Variants in IL1RL1 observed in about 807,000 individuals in gnomAD.
The protein encoded by IL1RL1 is interleukin 1 receptor like 1, also known as interleukin-1 receptor-like 1.
A neutral mutation model predicts 50.9 loss-of-function variants in IL1RL1; 32 were observed. The ratio of observed to expected loss-of-function variants is 0.63; its 90% CI spans 0.47 to 0.84. The LOEUF (loss-of-function observed/expected upper bound fraction) is 0.84. IL1RL1 is among the 40% of genes least tolerant of loss of function. The probability of loss-of-function intolerance (pLI) is 0.00; values close to 1 mark genes in which losing one functional copy is unlikely to be tolerated. For missense variants in IL1RL1, 773 were observed against 662.9 expected (o/e 1.17, Z -1.82); for synonymous variants, 275 against 236.0 (o/e 1.17, Z -1.51).
chr2:102,351,882 G>A lies in IL1RL1; in HGVS notation c.1632G>A (p.Lys544=), dbSNP rs746381078. The A allele has an allele frequency of 9.3e-6, 15 of 1,613,700 alleles. No individual in the cohort carries two copies. The highest frequency in any genetic ancestry group is 1.3e-5 in the Non-Finnish European group (15 of 1,179,810). Residue 544 remains lysine, a synonymous_variant, in exon 11 of 11, where the codon AAG becomes AAA. Transcript: ENST00000233954. ...QMPVPSKIPR[K]ASSLTPLAAQ... ...CTGTGCCAAGCAAAATTCCCAGAAA[G>A]GCCTCTAGTTTGACTCCCTTGGCTG... is the stretch of plus-strand genomic sequence containing the variant.
At chr2:102,343,218 C>T in intron 7 of IL1RL1, 41 bp downstream of exon 7, 1 of 1,613,956 alleles carries the variant, frequency 6.2e-7, no homozygotes, top group Non-Finnish European at 8.5e-7. Context: ...TCCCCTTGCA[C>T]ATGGTTTGCA....
At chr2:102,341,408 T>C in intron 5 of IL1RL1, 1 of 959,438 alleles carries the variant, frequency 1.0e-6, no homozygotes, top group Non-Finnish European at 1.3e-6. Flanking sequence ...TTAAATTTTA[T>C]AAAAGCTTAT....
At chr2:102,346,355 C>A (rs182823905) in intron 8 of IL1RL1, among the ~76,000 whole-genome samples, 2 of 152,160 alleles carry the variant, frequency 1.3e-5, no homozygotes, top group Non-Finnish European at 2.9e-5. Flanking sequence ...GAATAACTTG[C>A]GAAATACTAC....
chr2:102,335,699 G>A (rs1256012417), intron 1 of IL1RL1, among the ~76,000 whole-genome samples: 1 of 152,080 alleles, frequency 6.6e-6, no homozygotes, highest in Admixed American at 6.5e-5. Context: ...TGCTTACGTG[G>A]CCTAGTTTAA....
At chr2:102,334,825 C>G (rs191941514) in intron 1 of IL1RL1, among the ~76,000 whole-genome samples, 9 of 152,236 alleles carry the variant, frequency 5.9e-5, no homozygotes, top group African/African-American at 2.2e-4. Context: ...CTTCTAAGTT[C>G]GGAAGTATTT....
At chr2:102,320,212 C>T (rs1013696856) in intron 1 of IL1RL1, among the ~76,000 whole-genome samples, 1 of 152,122 alleles carries the variant, frequency 6.6e-6, no homozygotes, top group Non-Finnish European at 1.5e-5. Flanking sequence ...ACTCCAGTGT[C>T]GTCTTTAAGG....
chr2:102,322,745 A>G (rs969719397), intron 1 of IL1RL1, among the ~76,000 whole-genome samples: 11 of 152,226 alleles, frequency 7.2e-5, no homozygotes, highest in Non-Finnish European at 1.5e-4. Context: ...CATCATCCAT[A>G]TCACCATCCC....
At position 102,338,825 on chromosome 2, in the gene IL1RL1, T is replaced by G. The variant is rs763925575; in HGVS notation, c.62-12T>G. ...ATCATTTCAGGATTGTCTTTATATC[T>G]TTTATTTGCAGGTAAACAATCATGG... On this transcript the variant is annotated splice_polypyrimidine_tract_variant and intron_variant, in intron 2 of 10. Transcript: ENST00000233954. 1 of 1,584,340 alleles carries G rather than the reference T, an allele frequency of 6.3e-7. No homozygotes were observed. Among genetic ancestry groups the G allele is most frequent in the South Asian group, 1.1e-5 (1 of 90,450 alleles).
rs1248294704 is a variant in IL1RL1, at chr2:102,311,931, A to G, written c.-150+308A>G. Among the ~76,000 whole-genome samples the G allele has an allele frequency of 1.0e-4, 4 of 39,096 alleles. No homozygotes were observed. In the East Asian group the frequency reaches 2.6e-3, roughly 26 times the overall value. 25.6% of individuals were successfully genotyped at this position (39,096 alleles called of 152,430 possible). A position where few individuals can be genotyped will look rare whatever the true frequency, so the allele number is the denominator to read the frequency against. ...TTATATATTTTATTATATAATATAT[A>G]TTATATATAATATTATATATAATAT... is the stretch of plus-strand genomic sequence containing the variant. On this transcript the variant is annotated intron_variant, in intron 1 of 10. Transcript: ENST00000233954.
intron 8 of IL1RL1, chr2:102,344,308 A>T (rs549338354): frequency 1.9e-6 from 1 of 526,726 alleles, no homozygotes; most frequent in East Asian, 1.4e-4. Context: ...ACCATTCAGC[A>T]TGAGATTTGG....
chr2:102,336,444 T>C (rs576286023), intron 1 of IL1RL1, among the ~76,000 whole-genome samples: 1 of 152,278 alleles, frequency 6.6e-6, no homozygotes, highest in Non-Finnish European at 1.5e-5. Context: ...TATATTATTA[T>C]ATGGGTCTGG....
At chr2:102,331,711 T>A (rs1242760553) in intron 1 of IL1RL1, among the ~76,000 whole-genome samples, 1 of 152,210 alleles carries the variant, frequency 6.6e-6, no homozygotes, top group Non-Finnish European at 1.5e-5. Flanking sequence ...GATCCATATA[T>A]AAAAGCTTTA....
rs1296900421 is a variant in IL1RL1 at position 102,340,633 on chromosome 2, T to C, written c.448-33T>C. ...CAGATAAATAAATAAAAGTGAAGAA[T>C]TACTGAGAAGGAAATGGAATTTCTT... is the stretch of plus-strand genomic sequence containing the variant. On this transcript the variant is annotated intron_variant, in intron 4 of 10. Transcript: ENST00000233954. The C allele has an allele frequency of 3.2e-6, 5 of 1,574,616 alleles. No homozygotes were observed. The Middle Eastern group carries it at 5.0e-4, about 159-fold the overall frequency.
chr2:102,337,683 T>C (rs1356027475), intron 1 of IL1RL1, among the ~76,000 whole-genome samples: 1 of 152,206 alleles, frequency 6.6e-6, no homozygotes, highest in Non-Finnish European at 1.5e-5. Flanking sequence ...TTGTGATGAC[T>C]ACTTGCACAT....
chr2:102,340,416 C>T (rs567544781), intron 4 of IL1RL1, 144 bp downstream of exon 4: 3 of 722,740 alleles, frequency 4.2e-6, no homozygotes, highest in East Asian at 5.9e-5. Flanking sequence ...AGTTTGAGAC[C>T]AGCCTGGCCA....
In IL1RL1 at chr2:102,338,864, A is replaced by C. The variant is rs1433176332; in HGVS notation, c.89A>C (p.Glu30Ala). The C allele has an allele frequency of 1.9e-6, 3 of 1,613,190 alleles. No individual in the cohort carries two copies. The African/African-American group carries it at 4.0e-5, about 22-fold the overall frequency. The part of the protein sequence containing the change: ...FSKQSWGLEN[E>A]ALIVRCPRQG... ...AAACAATCATGGGGCCTGGAAAATG[A>C]GGCTTTAATTGTAAGATGTCCTAGA... is the stretch of plus-strand genomic sequence containing the variant. The change falls in exon 3 of 11, where the codon GAG (glutamate) becomes GCG (alanine). Residue 30 changes from glutamate to alanine, a missense_variant. By Grantham distance (107) the Glu-to-Ala change is moderately radical. Coordinates refer to ENST00000233954, the MANE Select transcript of IL1RL1 (RefSeq NM_016232.5).
At chr2:102,327,328 C>G (rs145283699) in intron 1 of IL1RL1, among the ~76,000 whole-genome samples, 4,225 of 151,438 alleles carry the variant, frequency 0.028, 176 homozygotes, top group African/African-American at 0.096. Context: ...CACAACATAC[C>G]AGAATCTCTG....
chr2:102,343,145 A>G lies in IL1RL1; in HGVS notation c.792A>G (p.Pro264=). ...CAAAAATTACAGACTTTGGTGAACC[A>G]AGAATTCAACAAGAGGAAGGGCAAA... ...NGTKITDFGE[P]RIQQEEGQNQ... Residue 264 remains proline (P), a synonymous_variant, in exon 7 of 11, where the codon CCA becomes CCG. Transcript: ENST00000233954. 6.2e-7 allele frequency: 1 copy of G among 1,614,154 alleles called. No homozygotes were observed. Among genetic ancestry groups the G allele is most frequent in the Admixed American group, 1.7e-5 (1 of 60,014 alleles).
At position 102,347,941 on chromosome 2, in the gene IL1RL1, A is replaced by G; in HGVS notation, c.971-4A>G. On this transcript the variant is annotated splice_region_variant and splice_polypyrimidine_tract_variant and intron_variant, in intron 8 of 10. Coordinates refer to ENST00000233954, the MANE Select transcript of IL1RL1 (RefSeq NM_016232.5). ...ATAATAATCTTTTTCTTTCTTTTGA[A>G]TAGTTGATCATCATAGCATCTACTG... is the stretch of plus-strand genomic sequence containing the variant. 6.8e-7 allele frequency: 1 copy of G among 1,462,114 alleles called. No homozygotes were observed. The highest frequency in any genetic ancestry group is 9.6e-7 in the Non-Finnish European group (1 of 1,044,706). 90.6% of individuals were successfully genotyped at this position (1,462,114 alleles called of 1,614,324 possible). A position where few individuals can be genotyped will look rare whatever the true frequency, so the allele number is the denominator to read the frequency against.
Sources: allele counts gnomAD v4.1 joint callset (sites outside exome capture counted in the v4.1 genomes callset), GRCh38; gene constraint gnomAD v4.1.1; transcripts MANE v1.5; gene names NCBI Gene and HGNC (gene_info 2026-07-23, HGNC 2026-07-21).